Variants in LRRC71 observed in about 807,000 individuals in gnomAD.
LRRC71 encodes leucine rich repeat containing 71.
In LRRC71, 54 loss-of-function variants were observed where a neutral mutation model predicts 66.6. The observed-to-expected ratio is 0.81, with a 90% confidence interval of 0.65 to 1.02. The LOEUF (loss-of-function observed/expected upper bound fraction) is 1.02, where lower values mean the gene tolerates loss of function less well. Among genes scored for constraint, LRRC71 ranks in the 50% least tolerant of loss-of-function variants. LRRC71 has a pLI of 0.00. For synonymous variants in LRRC71, 323 were observed against 303.9 expected (o/e 1.06, Z -0.65); for missense variants, 724 against 718.0 (o/e 1.01, Z -0.10).
chr1:156,939,461 G>A, the LRRC71 span: 5 of 1,577,184 alleles, frequency 3.2e-6, no homozygotes, highest in Non-Finnish European at 4.3e-6. Context: ...CCCAGGGGGA[G>A]TATAGGGAAG....
intron 9 of LRRC71, among the ~76,000 whole-genome samples, chr1:156,928,363 C>CTCTTCTTCTTCTTCTTCTTCTTCT (rs71080802): frequency 0.063 from 6,239 of 98,700 alleles, 605 homozygotes; most frequent in East Asian, 0.1. Flanking sequence ...CTTCTTCTTC[C>CTCTTCTTCTTCTTCTTCTTCTTCT]TCTTCTTCTT....
At chr1:156,940,536 G>A in the LRRC71 span, 1 of 974,220 alleles carries the variant, frequency 1.0e-6, no homozygotes, top group South Asian at 2.0e-5. Flanking sequence ...TTATTCTACA[G>A]TTGTTTACTG....
chr1:156,936,292 T>C (rs369435916), downstream of LRRC71: 3 of 701,352 alleles, frequency 4.3e-6, no homozygotes, highest in African/African-American at 1.8e-5. Context: ...AGTTATGACA[T>C]AGCTGTGTCC....
At chr1:156,931,639 G>A (rs1654381474) in intron 12 of LRRC71, among the ~76,000 whole-genome samples, 1 of 152,090 alleles carries the variant, frequency 6.6e-6, no homozygotes, top group East Asian at 1.9e-4. Flanking sequence ...GTTCACAGGA[G>A]GCCCTTCCTG....
chr1:156,920,799 C>A lies in LRRC71; in HGVS notation c.-5C>A. 6.6e-7 allele frequency: 1 copy of A among 1,518,100 alleles called. No homozygotes were observed. The highest frequency in any genetic ancestry group is 2.3e-4 in the Middle Eastern group (1 of 4,264). 94.0% of individuals were successfully genotyped at this position (1,518,100 alleles called of 1,614,324 possible). A position where few individuals can be genotyped will look rare whatever the true frequency, so the allele number is the denominator to read the frequency against. On this transcript the variant is annotated 5_prime_UTR_variant, in exon 1 of 15. Coordinates refer to ENST00000337428, the MANE Select transcript of LRRC71 (RefSeq NM_144702.3). This position sits in a 1 kb window ranked among gnomAD's most constrained non-coding sequence, Gnocchi z 4.9. The stretch of plus-strand genomic sequence containing the variant: ...GGTCCCAGAGACGCTGCGGACAACA[C>A]CAGCATGTCGAGCGAGCAGAGCGCG...
Position 156,929,331 on chromosome 1 carries a change from A to G in LRRC71, c.1048A>G (p.Met350Val). ...CAAAACGGACCGTGAGAAGAGTCAG[A>G]TGGTAGGGATCAGCAATAGTGCATT... Reference protein sequence around the residue: ...DSKTDREKSQMVGISNSALVD... With the variant: ...DSKTDREKSQVVGISNSALVD... Residue 350 changes from methionine (M) to valine (V), a missense_variant, in exon 10 of 15, where the codon ATG becomes GTG. Transcript: ENST00000337428. The G allele has an allele frequency of 6.2e-7, 1 of 1,612,730 alleles. No individual in the cohort carries two copies. The highest frequency in any genetic ancestry group is 8.5e-7 in the Non-Finnish European group (1 of 1,179,332).
intron 9 of LRRC71, among the ~76,000 whole-genome samples, chr1:156,928,363 C>CTCTTCT (rs71080802): frequency 0.045 from 4,473 of 98,768 alleles, 164 homozygotes; most frequent in Middle Eastern, 0.094. Flanking sequence ...CTTCTTCTTC[C>CTCTTCT]TCTTCTTCTT....
chr1:156,921,710 A>C, intron 1 of LRRC71: 1 of 522,332 alleles, frequency 1.9e-6, no homozygotes, highest in Non-Finnish European at 2.4e-6. Context: ...AGTTACATTC[A>C]AAACACACAC....
At position 156,930,538 on chromosome 1, in the gene LRRC71, T is replaced by A; in HGVS notation, c.1250T>A (p.Ile417Asn). 1.3e-6 allele frequency: 2 copies of A among 1,562,716 alleles called. No individual in the cohort carries two copies. Among genetic ancestry groups the A allele is most frequent in the Non-Finnish European group, 1.7e-6 (2 of 1,153,404 alleles). ...CCTCTTCTGGCCCCAGAGGTAACCA[T>A]CCCTGAACAGAAGCCAAGCAGGGCA... Reference protein sequence around the residue: ...ATKAGKGKVTIPEQKPSRAKG... With the variant: ...ATKAGKGKVTNPEQKPSRAKG... The change falls in exon 12 of 15, where the codon ATC becomes AAC. Residue 417 changes from isoleucine to asparagine, a missense_variant. Ile to Asn is a moderately radical substitution (Grantham distance 149, BLOSUM62 -3). Coordinates refer to ENST00000337428, the MANE Select transcript of LRRC71 (RefSeq NM_144702.3).
chr1:156,928,449 CCT>C (rs1653699723), intron 9 of LRRC71, among the ~76,000 whole-genome samples: 1 of 104,320 alleles, frequency 9.6e-6, no homozygotes, highest in East Asian at 4.1e-4. Flanking sequence ...TCTTCCTCCT[CCT>C]CTTCTTCTCC....
chr1:156,932,333 TG>T, intron 13 of LRRC71, 90 bp from the exon 14 acceptor site: 1 of 1,055,946 alleles, frequency 9.5e-7, no homozygotes, highest in Non-Finnish European at 1.4e-6. Flanking sequence ...AGTGGGGAGC[TG>T]GAGGAACTGG....
At chr1:156,937,529 G>C, downstream of LRRC71, 1 of 1,504,226 alleles carries the variant, frequency 6.6e-7, no homozygotes, top group African/African-American at 1.4e-5. Flanking sequence ...AGATCAGGAG[G>C]CAAACAGAGA....
chr1:156,937,219 C>A, downstream of LRRC71: 1 of 1,612,908 alleles, frequency 6.2e-7, no homozygotes, highest in Non-Finnish European at 8.5e-7. Flanking sequence ...GACTGAAGGC[C>A]TGCAGGGACC....
At chr1:156,938,326 G>T in the LRRC71 span, 2 of 1,198,636 alleles carry the variant, frequency 1.7e-6, no homozygotes, top group Non-Finnish European at 2.4e-6. Context: ...TTGTGGGTGT[G>T]TGTGTGACCA....
chr1:156,927,904 G>C lies in LRRC71; in HGVS notation c.907-11G>C, dbSNP rs780314016. On this transcript the variant is annotated splice_polypyrimidine_tract_variant and intron_variant, in intron 8 of 14. Coordinates refer to ENST00000337428, the MANE Select transcript of LRRC71 (RefSeq NM_144702.3). ...CCAGGCGTCCGACCGCTGAGCGCCC[G>C]CCTCCTTCAGGTCCTGCGCGCCTTC... The C allele has an allele frequency of 1.9e-6, 3 of 1,610,694 alleles. No individual in the cohort carries two copies. In the East Asian group the frequency reaches 6.7e-5, roughly 36 times the overall value.
At chr1:156,935,589 C>T (rs558279579), downstream of LRRC71, 1 of 170,928 alleles carries the variant, frequency 5.9e-6, no homozygotes, top group Admixed American at 6.3e-5. Context: ...CCACCTCTGC[C>T]TGGGGTCTTA....
rs1653900663 is a variant in LRRC71 at position 156,929,267 on chromosome 1, T to C, written c.997-13T>C. The C allele has an allele frequency of 1.3e-6, 2 of 1,591,856 alleles. No individual in the cohort carries two copies. Among genetic ancestry groups the C allele is most frequent in the Non-Finnish European group, 1.7e-6 (2 of 1,168,890 alleles). The stretch of plus-strand genomic sequence containing the variant: ...TGGCTTCTTCCCCCCTTCCCTCCCA[T>C]TTGTGAGCACAGCCCTCCTCCTCTC... On this transcript the variant is annotated splice_polypyrimidine_tract_variant and intron_variant, in intron 9 of 14. Transcript: ENST00000337428.
At chr1:156,936,884 G>A (rs560381442), downstream of LRRC71, 1 of 1,614,160 alleles carries the variant, frequency 6.2e-7, no homozygotes, top group Admixed American at 1.7e-5. Flanking sequence ...CTTAGCGGGA[G>A]GTGAGAGGGA....
chr1:156,930,614 C>G lies in LRRC71; in HGVS notation c.1326C>G (p.Ser442=), dbSNP rs376786642. 35 of 1,560,000 alleles carry G rather than the reference C, an allele frequency of 2.2e-5. 1 individual carries two copies. Among genetic ancestry groups the G allele is most frequent in the Non-Finnish European group, 3.0e-5 (34 of 1,151,892 alleles). ...SREKRSILLE[S]ELVVEATEVV... ...AGAAGCGCAGCATCCTCCTGGAGTCCGAGGTAAGTTGCCAGGAGGAGTGGA... is the reference window on the plus strand; with the variant it reads ...AGAAGCGCAGCATCCTCCTGGAGTCGGAGGTAAGTTGCCAGGAGGAGTGGA... Residue 442 remains serine (S), a synonymous_variant, in exon 12 of 15, where the codon TCC becomes TCG. Transcript: ENST00000337428.
Sources: gnomAD v4.1 joint callset for allele counts (sites outside exome capture counted in the v4.1 genomes callset) on GRCh38, gnomAD v4.1.1 for gene constraint, Gnocchi (gnomAD v3.1) non-coding constraint, MANE v1.5 for transcripts, NCBI Gene and HGNC (gene_info 2026-07-23, HGNC 2026-07-21) for gene names.